Variants in MACROD2 observed in about 807,000 individuals in gnomAD.
The protein encoded by MACROD2 is ADP-ribose glycohydrolase MACROD2.
A neutral mutation model predicts 70.4 loss-of-function variants in MACROD2; 36 were observed. The observed-to-expected ratio is 0.51, with a 90% confidence interval of 0.39 to 0.68. The LOEUF is 0.68. Ranked by LOEUF, MACROD2 falls within the 30% of genes least tolerant of loss-of-function variation. MACROD2 has a pLI of 0.00. For synonymous variants in MACROD2, 172 were observed against 178.8 expected, an observed-to-expected ratio of 0.96 and a Z score of 0.30; for missense variants, 496 against 538.4, an observed-to-expected ratio of 0.92 and a Z score of 0.78.
At chr20:15,369,713 T>G (rs565367945) in intron 6 of MACROD2, among the ~76,000 whole-genome samples, 1 of 151,964 alleles carries the variant, frequency 6.6e-6, no homozygotes, top group African/African-American at 2.4e-5. Flanking sequence ...CAAAAAGAAG[T>G]GGAGAGGAGG....
intron 12 of MACROD2, among the ~76,000 whole-genome samples, chr20:15,943,245 G>A (rs1601182270): frequency 6.6e-6 from 1 of 152,190 alleles, no homozygotes; most frequent in African/African-American, 2.4e-5. Context: ...CCAGTGGTGT[G>A]GACTCAAAAT....
At chr20:16,015,864 T>C (rs1245500078) in intron 15 of MACROD2, among the ~76,000 whole-genome samples, 1 of 152,196 alleles carries the variant, frequency 6.6e-6, no homozygotes. Flanking sequence ...GTTAATATTC[T>C]TTGTATTTCT....
At chr20:14,620,438 T>C (rs965466691) in intron 4 of MACROD2, among the ~76,000 whole-genome samples, 1 of 152,104 alleles carries the variant, frequency 6.6e-6, no homozygotes, top group Non-Finnish European at 1.5e-5. Flanking sequence ...TAGCTTATTC[T>C]AACCAATTCT....
intron 7 of MACROD2, among the ~76,000 whole-genome samples, chr20:15,433,715 C>A (rs538126563): frequency 6.7e-6 from 1 of 148,246 alleles, no homozygotes; most frequent in African/African-American, 2.5e-5. Flanking sequence ...TCATATGGAA[C>A]CAAAAAAACA....
intron 4 of MACROD2, among the ~76,000 whole-genome samples, chr20:14,653,249 C>T (rs551638273): frequency 5.0e-5 from 7 of 138,628 alleles, no homozygotes; most frequent in Non-Finnish European, 7.7e-5. Context: ...GACGGAGTTT[C>T]GCTCTGTTGC....
intron 3 of MACROD2, among the ~76,000 whole-genome samples, chr20:14,094,703 C>T (rs538498259): frequency 6.6e-6 from 1 of 152,262 alleles, no homozygotes; most frequent in African/African-American, 2.4e-5. Flanking sequence ...TACTTGCAAA[C>T]TCACCTACTC....
chr20:14,757,966 C>T lies in MACROD2; in HGVS notation c.418+73007C>T, dbSNP rs554801077. 3.9e-5 allele frequency: 35 copies of T among 905,728 alleles called. No homozygotes were observed. In the East Asian group the frequency reaches 4.1e-4, roughly 11 times the overall value. The allele number at this position is 905,728 out of a possible 1,614,324, so 56.1% of individuals were successfully genotyped here. On this transcript the variant is annotated intron_variant, in intron 5 of 17. Coordinates refer to ENST00000684519, the MANE Select transcript of MACROD2 (RefSeq NM_001351661.2). ...GACGGAGTGCTGTGCCCCCTGGTGC[C>T]GACAAGAAAGCCGAGGCTGGGACTG...
At chr20:14,015,729 T>C (rs2052980260) in intron 2 of MACROD2, among the ~76,000 whole-genome samples, 1 of 152,224 alleles carries the variant, frequency 6.6e-6, no homozygotes, top group African/African-American at 2.4e-5. Flanking sequence ...AATCATAACA[T>C]GTTTATCTTT....
chr20:14,347,301 A>G (rs1232816472), intron 3 of MACROD2, among the ~76,000 whole-genome samples: 1 of 152,196 alleles, frequency 6.6e-6, no homozygotes, highest in Non-Finnish European at 1.5e-5. Flanking sequence ...CATAATGCAC[A>G]TATGAGAGGT....
At chr20:15,361,893 T>C (rs545509814) in intron 6 of MACROD2, among the ~76,000 whole-genome samples, 1 of 152,368 alleles carries the variant, frequency 6.6e-6, no homozygotes, top group South Asian at 2.1e-4. Context: ...GATTTTTTTG[T>C]TACTCTTGTA....
At chr20:15,554,527 C>T (rs1415431581) in intron 8 of MACROD2, among the ~76,000 whole-genome samples, 2 of 146,290 alleles carry the variant, frequency 1.4e-5, no homozygotes, top group Non-Finnish European at 3.0e-5. Flanking sequence ...ACCTATACAT[C>T]ATGGTAGTCC....
chr20:14,022,249 A>G (rs918020705), intron 2 of MACROD2, among the ~76,000 whole-genome samples: 1 of 152,204 alleles, frequency 6.6e-6, no homozygotes, highest in Admixed American at 6.5e-5. Flanking sequence ...CAATTAAACT[A>G]TTACACAGTG....
At chr20:15,369,015 G>A (rs2146258734) in intron 6 of MACROD2, among the ~76,000 whole-genome samples, 1 of 152,260 alleles carries the variant, frequency 6.6e-6, no homozygotes, top group South Asian at 2.1e-4. Context: ...TGTGAATAGA[G>A]TATATGTCTG....
chr20:16,019,745 A>G (rs944540899), intron 15 of MACROD2, among the ~76,000 whole-genome samples: 1 of 152,202 alleles, frequency 6.6e-6, no homozygotes, highest in East Asian at 1.9e-4. Context: ...ACAGGCTGTG[A>G]GAGGATCCAG....
At chr20:14,089,937 A>C (rs1025717098) in intron 3 of MACROD2, among the ~76,000 whole-genome samples, 3 of 152,148 alleles carry the variant, frequency 2.0e-5, no homozygotes, top group Non-Finnish European at 4.4e-5. Context: ...TACATGGTAT[A>C]TTGCATAATG....
intron 5 of MACROD2, among the ~76,000 whole-genome samples, chr20:14,763,583 A>C (rs1288542406): frequency 6.6e-6 from 1 of 152,176 alleles, no homozygotes. Context: ...AGTTCTTGAG[A>C]TACTTAGAAG....
rs1166434894 is a variant in MACROD2, at chr20:14,291,285, GA to G, written c.272-202190del. Among the ~76,000 whole-genome samples, 5 of 152,284 alleles carry G rather than the reference GA, an allele frequency of 3.3e-5. No individual in the cohort carries two copies. In the East Asian group the frequency reaches 7.7e-4, roughly 24 times the overall value. The stretch of plus-strand genomic sequence containing the variant: ...TGAATTAAACACAAATTAATGTAAG[GA>G]AAAGTGCCAGAGAAGGGAGGGATTA... On this transcript the variant is annotated intron_variant, in intron 3 of 17. Transcript: ENST00000684519.
intron 3 of MACROD2, among the ~76,000 whole-genome samples, chr20:14,094,892 C>T (rs1248336004): frequency 6.6e-6 from 1 of 152,136 alleles, no homozygotes; most frequent in Non-Finnish European, 1.5e-5. Flanking sequence ...GCAATTTTTT[C>T]TGTCCCCCAC....
intron 5 of MACROD2, among the ~76,000 whole-genome samples, chr20:15,156,406 G>T (rs2145868339): frequency 6.6e-6 from 1 of 152,206 alleles, no homozygotes; most frequent in South Asian, 2.1e-4. Flanking sequence ...TTTCTTAATG[G>T]TAATCCACTT....
Sources: gnomAD v4.1 joint callset for allele counts (sites outside exome capture counted in the v4.1 genomes callset) on GRCh38, gnomAD v4.1.1 for gene constraint, MANE v1.5 for transcripts, NCBI Gene and HGNC (gene_info 2026-07-23, HGNC 2026-07-21) for gene names.